Variants in CHD7 observed in about 807,000 individuals in gnomAD.
CHD7 encodes the protein ATP-dependent chromatin remodeler CHD7.
CHD7 carries 24 observed loss-of-function variants against 307.3 expected under a neutral mutation model. The observed-to-expected ratio is 0.08, with a 90% CI of 0.06 to 0.11. CHD7 has a LOEUF of 0.11. CHD7 is among the 10% of genes least tolerant of loss of function. CHD7 has a pLI of 1.00. For missense variants in CHD7, 3,106 were observed against 3,727.1 expected, an observed-to-expected ratio of 0.83 and a Z score of 4.34; for synonymous variants, 1,363 against 1,349.9, an observed-to-expected ratio of 1.01 and a Z score of -0.21.
intron 2 of CHD7, among the ~76,000 whole-genome samples, chr8:60,752,648 A>G (rs1350656130): frequency 2.0e-5 from 3 of 152,260 alleles, no homozygotes; most frequent in Non-Finnish European, 4.4e-5. Flanking sequence ...GAATATAGAA[A>G]TACTTGACAT....
At chr8:60,746,950 C>T (rs1809357285) in intron 2 of CHD7, among the ~76,000 whole-genome samples, 1 of 152,224 alleles carries the variant, frequency 6.6e-6, no homozygotes, top group South Asian at 2.1e-4. Flanking sequence ...CTTTTCATCT[C>T]AGACCTCTAC....
rs371000762 is a variant in CHD7, at chr8:60,742,188, G to T, written c.756G>T (p.Ser252=). 18 of 1,613,708 alleles carry T rather than the reference G, an allele frequency of 1.1e-5. No individual in the cohort carries two copies. Among genetic ancestry groups the T allele is most frequent in the Non-Finnish European group, 1.5e-5 (18 of 1,179,856 alleles). ...GCATGGCACCTTCCTTGCGTCACTC[G>T]GTGCAGCAGTTCCATCACCACCCCT... ...SPSMAPSLRH[S]VQQFHHHPST... is the part of the protein sequence containing the mutation. Residue 252 remains serine, a synonymous_variant, in exon 2 of 38, where the codon TCG becomes TCT. Transcript: ENST00000423902.
At chr8:60,748,047 C>T (rs949580972) in intron 2 of CHD7, among the ~76,000 whole-genome samples, 2 of 152,210 alleles carry the variant, frequency 1.3e-5, no homozygotes, top group Non-Finnish European at 2.9e-5. Flanking sequence ...TTAGTGAACA[C>T]TTATCAAATA....
rs1213594457 is a variant in CHD7, at chr8:60,795,034, C to G, written c.2145C>G (p.Asn715Lys). 5 of 1,613,588 alleles carry G rather than the reference C, an allele frequency of 3.1e-6. No individual in the cohort carries two copies. Among genetic ancestry groups the G allele is most frequent in the Middle Eastern group, 1.7e-4 (1 of 6,060 alleles). Reference protein sequence around the residue: ...SEASALKKKVNKGKTEGSENS... With the variant: ...SEASALKKKVKKGKTEGSENS... ...CAAGTGCTTTGAAGAAAAAGGTCAA[C>G]AAGGGAAAAACAGAAGGTTCTGAAA... Residue 715 changes from asparagine to lysine, a missense_variant, in exon 4 of 38, where the codon AAC (asparagine) becomes AAG (lysine). Physicochemically the swap from Asn to Lys is moderately conservative, Grantham distance 94 (BLOSUM62 0). Transcript: ENST00000423902.
intron 7 of CHD7, 75 bp downstream of exon 7, chr8:60,808,347 T>C (rs1002603747): frequency 1.5e-5 from 14 of 931,610 alleles, no homozygotes; most frequent in Non-Finnish European, 2.3e-5. Flanking sequence ...TTTTTTAAAG[T>C]TGGGAAATTA....
rs532276959 is a variant in CHD7, at chr8:60,746,032, CTTTATTTA to C, written c.1665+2942_1665+2949del. Among the ~76,000 whole-genome samples, 744 of 152,142 alleles carry C rather than the reference CTTTATTTA, an allele frequency of 4.9e-3. 2 individuals are homozygous for C. Among genetic ancestry groups the C allele is most frequent in the Non-Finnish European group, 7.3e-3 (497 of 67,998 alleles). Reference sequence around the variant, plus strand: ...CCATGTAGATACAATGTAAAATTAACTTTATTTATTTATTATTTTTTGAGATGAAGTCT... The same window carrying C: ...CCATGTAGATACAATGTAAAATTAACTTTATTATTTTTTGAGATGAAGTCT... On this transcript the variant is annotated intron_variant, in intron 2 of 37. Transcript: ENST00000423902.
Position 60,862,538 on chromosome 8 carries a change from C to T in CHD7, c.7972-10C>T, listed in dbSNP as rs912810188. The T allele has an allele frequency of 6.4e-7, 1 of 1,560,142 alleles. No individual in the cohort carries two copies. The highest frequency in any genetic ancestry group is 8.7e-7 in the Non-Finnish European group (1 of 1,150,812). On this transcript the variant is annotated splice_polypyrimidine_tract_variant and intron_variant, in intron 36 of 37. Coordinates refer to ENST00000423902, the MANE Select transcript of CHD7 (RefSeq NM_017780.4). ...GTGTTTTTAATCATTTGTCAAATGCCTCTACCCAGATGGGTGGAGCTATGG... is the reference window on the plus strand; with the variant it reads ...GTGTTTTTAATCATTTGTCAAATGCTTCTACCCAGATGGGTGGAGCTATGG...
chr8:60,707,262 A>G (rs1807068240), intron 1 of CHD7, among the ~76,000 whole-genome samples: 2 of 152,184 alleles, frequency 1.3e-5, no homozygotes, highest in South Asian at 4.1e-4. Flanking sequence ...AAATATTGAC[A>G]AAACTAGATT....
intron 2 of CHD7, among the ~76,000 whole-genome samples, chr8:60,757,225 C>T (rs1414206195): frequency 2.0e-5 from 3 of 152,094 alleles, no homozygotes. Flanking sequence ...AGCCTGTAGG[C>T]CCTTGTGGTT....
intron 3 of CHD7, among the ~76,000 whole-genome samples, chr8:60,782,589 T>A (rs1333173629): frequency 1.3e-5 from 2 of 152,216 alleles, no homozygotes; most frequent in Admixed American, 1.3e-4. Context: ...TGAATTACAT[T>A]CAGTAGCTCA....
intron 2 of CHD7, among the ~76,000 whole-genome samples, chr8:60,767,568 T>C (rs1188462918): frequency 1.3e-5 from 2 of 152,208 alleles, no homozygotes; most frequent in Non-Finnish European, 2.9e-5. Context: ...ACTCTGGTGG[T>C]GGATATCTGT....
chr8:60,865,153 G>C lies in CHD7; in HGVS notation c.8214G>C (p.Thr2738=), dbSNP rs199570256. The change falls in exon 38 of 38, where the codon ACG becomes ACC. Residue 2738 remains threonine (T), a synonymous_variant. Coordinates refer to ENST00000423902, the MANE Select transcript of CHD7 (RefSeq NM_017780.4). The surrounding 1 kb of genome is among the most constrained non-coding windows in gnomAD (Gnocchi z 4.3). ...CGGCCGCCGCTGCTGTGGCCTCCAC[G>C]TCAGGGATCAACCCTTTGCTGGTGA... ...AAAAAAAVAS[T]SGINPLLVNS... is the part of the protein sequence containing the mutation. 2 of 1,611,944 alleles carry C rather than the reference G, an allele frequency of 1.2e-6. No individual in the cohort carries two copies. Among genetic ancestry groups the C allele is most frequent in the African/African-American group, 2.7e-5 (2 of 74,920 alleles).
chr8:60,789,112 C>T (rs1022014986), intron 3 of CHD7, among the ~76,000 whole-genome samples: 6 of 152,282 alleles, frequency 3.9e-5, no homozygotes, highest in Non-Finnish European at 7.4e-5. Flanking sequence ...AGTTGAGAGG[C>T]TAGACACTCT....
chr8:60,804,855 A>G (rs527552947), intron 6 of CHD7, among the ~76,000 whole-genome samples: 1 of 152,354 alleles, frequency 6.6e-6, no homozygotes, highest in East Asian at 1.9e-4. Context: ...CAGTGGGACA[A>G]GTATGGCTTA....
At chr8:60,806,554 A>G (rs1812544781) in intron 6 of CHD7, among the ~76,000 whole-genome samples, 1 of 152,236 alleles carries the variant, frequency 6.6e-6, no homozygotes, top group African/African-American at 2.4e-5. Flanking sequence ...AGTTTATGAC[A>G]TAGAAGGTGT....
At chr8:60,860,838 G>A in intron 34 of CHD7, 66 bp from the exon 35 acceptor site, 1 of 1,193,176 alleles carries the variant, frequency 8.4e-7, no homozygotes, top group Non-Finnish European at 1.2e-6. Flanking sequence ...GCGTTTTCTT[G>A]AAATAGGACA....
At chr8:60,739,103 A>C (rs957836918) in intron 1 of CHD7, among the ~76,000 whole-genome samples, 2 of 152,174 alleles carry the variant, frequency 1.3e-5, no homozygotes, top group Non-Finnish European at 2.9e-5. Flanking sequence ...GAAGGTCACC[A>C]GTGGGCTAAG....
chr8:60,818,515 G>T (rs1302968643), intron 8 of CHD7, among the ~76,000 whole-genome samples: 1 of 152,192 alleles, frequency 6.6e-6, no homozygotes, highest in Admixed American at 6.5e-5. Context: ...GTTTACCTAC[G>T]TCTAGAAGCT....
intron 37 of CHD7, 166 bp downstream of exon 37, chr8:60,862,818 A>ATTTC: frequency 8.5e-6 from 5 of 591,304 alleles, no homozygotes; most frequent in South Asian, 2.1e-5. Context: ...TTAATACATC[A>ATTTC]TTAATCCAAA....
Sources: allele counts gnomAD v4.1 joint callset (sites outside exome capture counted in the v4.1 genomes callset), GRCh38; gene constraint gnomAD v4.1.1; non-coding constraint Gnocchi (gnomAD v3.1); transcripts MANE v1.5; gene names NCBI Gene and HGNC (gene_info 2026-07-23, HGNC 2026-07-21).